The following CNTNAP5 variants were observed in gnomAD, a reference collection of about 807,000 sequenced individuals.
CNTNAP5 encodes contactin associated protein family member 5.
In CNTNAP5, 72 loss-of-function variants were observed where a neutral mutation model predicts 150.2. The ratio of observed to expected loss-of-function variants is 0.48; its 90% CI spans 0.40 to 0.58. CNTNAP5 has a LOEUF of 0.58. CNTNAP5 is among the 20% of genes least tolerant of loss of function. CNTNAP5 has a pLI of 0.00. For missense variants in CNTNAP5, 1,636 were observed against 1,626.2 expected (o/e 1.01, Z -0.10); for synonymous variants, 672 against 619.8 (o/e 1.08, Z -1.25).
Position 124,536,544 on chromosome 2 carries a change from T to C in CNTNAP5, c.1649+9088T>C, listed in dbSNP as rs551190736. Reference sequence around the variant, plus strand: ...CCGTTTTCTACATAAGACAACCAATTCTTAGAGAGGTTCAGTGACTGCCAA... The same window carrying C: ...CCGTTTTCTACATAAGACAACCAATCCTTAGAGAGGTTCAGTGACTGCCAA... On this transcript the variant is annotated intron_variant, in intron 10 of 23. Coordinates refer to ENST00000682447, the MANE Select transcript of CNTNAP5 (RefSeq NM_001367498.1). 1.6e-4 allele frequency among the ~76,000 whole-genome samples: 24 copies of C among 152,142 alleles called. No individual in the cohort carries two copies. In the South Asian group the frequency reaches 4.8e-3, roughly 30 times the overall value.
chr2:124,536,701 C>T (rs760481182), intron 10 of CNTNAP5, among the ~76,000 whole-genome samples: 2 of 151,964 alleles, frequency 1.3e-5, no homozygotes, highest in Admixed American at 6.6e-5. Context: ...GTAGCCAGAG[C>T]GGGCCAGGGA....
Position 124,563,213 on chromosome 2 carries a change from T to C in CNTNAP5, c.1650-4T>C, listed in dbSNP as rs1695934345. ...TTCTTTTCATTTATGTTTTCTTCCA[T>C]TAGGTGTTTGCCAAACTACTGTGAA... is the stretch of plus-strand genomic sequence containing the variant. On this transcript the variant is annotated splice_polypyrimidine_tract_variant and splice_region_variant and intron_variant, in intron 10 of 23. Transcript: ENST00000682447. 3 of 1,564,834 alleles carry C rather than the reference T, an allele frequency of 1.9e-6. No homozygotes were observed. Among genetic ancestry groups the C allele is most frequent in the East Asian group, 4.6e-5 (2 of 43,942 alleles).
chr2:124,161,358 G>C (rs1684674245), intron 1 of CNTNAP5, among the ~76,000 whole-genome samples: 1 of 152,100 alleles, frequency 6.6e-6, no homozygotes, highest in Non-Finnish European at 1.5e-5. Flanking sequence ...AGGTGAGGGA[G>C]ATGATGGGGT....
At chr2:124,773,974 A>C (rs1681266150) in intron 17 of CNTNAP5, among the ~76,000 whole-genome samples, 2 of 149,466 alleles carry the variant, frequency 1.3e-5, no homozygotes, top group South Asian at 4.2e-4. Flanking sequence ...GAGAGAGACT[A>C]ATACAGGGTG....
intron 1 of CNTNAP5, among the ~76,000 whole-genome samples, chr2:124,068,362 C>T (rs912849616): frequency 2.0e-5 from 3 of 152,122 alleles, no homozygotes; most frequent in Non-Finnish European, 2.9e-5. Flanking sequence ...AAGCCATCTT[C>T]GACTCAGCCA....
chr2:124,507,206 C>A (rs921913306), intron 8 of CNTNAP5, among the ~76,000 whole-genome samples: 5 of 152,100 alleles, frequency 3.3e-5, no homozygotes, highest in Non-Finnish European at 7.4e-5. Flanking sequence ...CACCTGTAAT[C>A]CTACCACTTT....
At chr2:124,330,772 CA>C (rs34427267) in intron 3 of CNTNAP5, among the ~76,000 whole-genome samples, 1,671 of 149,422 alleles carry the variant, frequency 0.011, 20 homozygotes, top group African/African-American at 0.035. Flanking sequence ...AGAAATCATG[CA>C]AAAAAAAATG....
At chr2:124,186,223 T>C (rs1685329562) in intron 1 of CNTNAP5, among the ~76,000 whole-genome samples, 1 of 152,230 alleles carries the variant, frequency 6.6e-6, no homozygotes, top group South Asian at 2.1e-4. Flanking sequence ...CATATTTGTC[T>C]GTGTACGTGC....
chr2:124,297,402 G>A (rs17011382), intron 3 of CNTNAP5, among the ~76,000 whole-genome samples: 30,075 of 151,950 alleles, frequency 0.2, 3,107 homozygotes, highest in East Asian at 0.34. Flanking sequence ...ACACCCTTTG[G>A]ATCTTTACAC....
At chr2:124,057,868 A>G (rs1338349751) in intron 1 of CNTNAP5, among the ~76,000 whole-genome samples, 1 of 151,998 alleles carries the variant, frequency 6.6e-6, no homozygotes, top group Non-Finnish European at 1.5e-5. Flanking sequence ...GAGGGGGCGG[A>G]TACCCCATTA....
intron 7 of CNTNAP5, 142 bp from the exon 8 acceptor site, chr2:124,504,150 C>T: frequency 1.2e-6 from 1 of 818,050 alleles, no homozygotes; most frequent in African/African-American, 1.7e-5. Context: ...GCAAAGCCGA[C>T]ATTTTTTTCT....
At position 124,489,943 on chromosome 2, in the gene CNTNAP5, T is replaced by C. The variant is rs112354896; in HGVS notation, c.1063-14349T>C. Among the ~76,000 whole-genome samples, 58 of 152,264 alleles carry C rather than the reference T, an allele frequency of 3.8e-4. 2 individuals are homozygous for C. The highest frequency in any genetic ancestry group is 1.3e-3 in the African/African-American group (56 of 41,566). On this transcript the variant is annotated intron_variant, in intron 7 of 23. Transcript: ENST00000682447. Reference sequence around the variant, plus strand: ...TGACTTAGTCACCTGAAAATACATGTCTGCAAGGGAAGTGGGGAAATGTAG... The same window carrying C: ...TGACTTAGTCACCTGAAAATACATGCCTGCAAGGGAAGTGGGGAAATGTAG...
chr2:124,805,006 T>C (rs1431859639), intron 19 of CNTNAP5, among the ~76,000 whole-genome samples: 1 of 149,444 alleles, frequency 6.7e-6, no homozygotes, highest in Non-Finnish European at 1.5e-5. Context: ...CCTCTTTGTA[T>C]GAAATACTCT....
chr2:124,262,389 T>C (rs1687481054), intron 3 of CNTNAP5, among the ~76,000 whole-genome samples: 1 of 152,256 alleles, frequency 6.6e-6, no homozygotes, highest in African/African-American at 2.4e-5. Flanking sequence ...GTGAGGCTAA[T>C]ACCTCAAATT....
chr2:124,254,843 C>G (rs544715834), intron 3 of CNTNAP5, among the ~76,000 whole-genome samples: 1 of 152,264 alleles, frequency 6.6e-6, no homozygotes, highest in African/African-American at 2.4e-5. Context: ...AGTCAGAATA[C>G]TGACTTTTGA....
intron 23 of CNTNAP5, among the ~76,000 whole-genome samples, 199 bp downstream of exon 23, chr2:124,911,737 G>A (rs1457435815): frequency 2.0e-5 from 3 of 152,014 alleles, no homozygotes; most frequent in African/African-American, 7.2e-5. Flanking sequence ...GCAGCTCTGC[G>A]GATTCATCTT....
intron 13 of CNTNAP5, among the ~76,000 whole-genome samples, chr2:124,682,814 A>C (rs1679099752): frequency 1.3e-5 from 2 of 152,162 alleles, no homozygotes; most frequent in Non-Finnish European, 2.9e-5. Flanking sequence ...TGGGATTTTG[A>C]ATGAATCGTG....
intron 3 of CNTNAP5, among the ~76,000 whole-genome samples, chr2:124,263,111 C>CTG (rs1687503884): frequency 6.6e-6 from 1 of 151,866 alleles, no homozygotes; most frequent in Admixed American, 6.6e-5. Context: ...AATAAACATA[C>CTG]GTGTGTGTGT....
chr2:124,777,941 A>G (rs188754173), intron 17 of CNTNAP5, among the ~76,000 whole-genome samples: 1 of 152,230 alleles, frequency 6.6e-6, no homozygotes, highest in Non-Finnish European at 1.5e-5. Flanking sequence ...TAGAAGCAGT[A>G]ATTTGATTCT....
Sources: gnomAD v4.1 joint callset for allele counts (sites outside exome capture counted in the v4.1 genomes callset) on GRCh38, gnomAD v4.1.1 for gene constraint, MANE v1.5 for transcripts, NCBI Gene and HGNC (gene_info 2026-07-23, HGNC 2026-07-21) for gene names.